The following NAA11 variants were observed in gnomAD, a reference collection of about 807,000 sequenced individuals.
NAA11 encodes N-alpha-acetyltransferase 11, NatA catalytic subunit.
In NAA11, 15 loss-of-function variants were observed where a neutral mutation model predicts 16.1. That is an observed-to-expected ratio of 0.93 (90% CI 0.62 to 1.44). NAA11 has a LOEUF of 1.44. Ranked by LOEUF, NAA11 falls within the 40% of genes most tolerant of loss-of-function variation. The probability of loss-of-function intolerance (pLI) is 0.00; values close to 1 mark genes in which losing one functional copy is unlikely to be tolerated. For missense variants in NAA11, 298 were observed against 291.3 expected, an observed-to-expected ratio of 1.02 and a Z score of -0.17; for synonymous variants, 122 against 112.4, an observed-to-expected ratio of 1.09 and a Z score of -0.54.
At chr4:79,238,591 G>A (rs751761612) in intron 2 of NAA11, among the ~76,000 whole-genome samples, 17 of 152,212 alleles carry the variant, frequency 1.1e-4, no homozygotes, top group Non-Finnish European at 2.2e-4. Flanking sequence ...AAGCATATAT[G>A]TTAATAATGC....
At chr4:79,269,877 G>T (rs897453275) in intron 2 of NAA11, among the ~76,000 whole-genome samples, 2 of 151,282 alleles carry the variant, frequency 1.3e-5, no homozygotes, top group Non-Finnish European at 1.5e-5. Flanking sequence ...ATTGATTTTT[G>T]TATAAGGTGT....
At chr4:79,223,250 G>A (rs1212035371), downstream of NAA11, among the ~76,000 whole-genome samples, 42 of 147,972 alleles carry the variant, frequency 2.8e-4, no homozygotes, top group African/African-American at 1.0e-3. Context: ...CAACCCAAAT[G>A]TCCAACAATG....
intron 2 of NAA11, among the ~76,000 whole-genome samples, chr4:79,231,607 G>T (rs1721468649): frequency 6.6e-6 from 1 of 151,838 alleles, no homozygotes; most frequent in African/African-American, 2.4e-5. Flanking sequence ...TCTAGTGGAG[G>T]AGTCAGGTGG....
chr4:79,274,154 C>T (rs533781093), intron 2 of NAA11, among the ~76,000 whole-genome samples: 19 of 152,140 alleles, frequency 1.2e-4, no homozygotes, highest in African/African-American at 4.6e-4. Context: ...AGCTGTTATT[C>T]TTGGTAATGG....
chr4:79,189,956 G>C, the NAA11 span, among the ~76,000 whole-genome samples: 1 of 152,126 alleles, frequency 6.6e-6, no homozygotes. Context: ...AGTGTGGAAG[G>C]CTTGCAGAGA....
Position 79,247,719 on chromosome 4 carries a change from A to C in NAA11, c.*123-21449T>G, listed in dbSNP as rs564457283. On this transcript the variant is annotated intron_variant and NMD_transcript_variant, in intron 2 of 2. Transcript: ENST00000511542. ...GGGGAGAAAGCTGGGAACCCTGCCCAGGACTACCATGCACTGAGACTCATT... is the reference window on the plus strand; with the variant it reads ...GGGGAGAAAGCTGGGAACCCTGCCCCGGACTACCATGCACTGAGACTCATT... Among the ~76,000 whole-genome samples, 16 of 152,254 alleles carry C rather than the reference A, an allele frequency of 1.1e-4. No homozygotes were observed. The South Asian group carries it at 2.5e-3, about 24-fold the overall frequency.
the NAA11 span, among the ~76,000 whole-genome samples, chr4:79,161,324 A>G: frequency 1.3e-5 from 2 of 152,016 alleles, no homozygotes; most frequent in Non-Finnish European, 1.5e-5. Flanking sequence ...TCAAAAGTCT[A>G]TTGATCTTAA....
chr4:79,178,413 A>G, the NAA11 span, among the ~76,000 whole-genome samples: 1 of 152,242 alleles, frequency 6.6e-6, no homozygotes, highest in African/African-American at 2.4e-5. Context: ...ATATTTTTAA[A>G]TGTTCAAATG....
chr4:79,195,452 T>C, the NAA11 span, among the ~76,000 whole-genome samples: 1 of 152,148 alleles, frequency 6.6e-6, no homozygotes, highest in Non-Finnish European at 1.5e-5. Flanking sequence ...GGTGAGCTGA[T>C]ACACAAATAT....
chr4:79,301,774 A>G (rs75543635), intron 1 of NAA11, among the ~76,000 whole-genome samples: 78 of 152,300 alleles, frequency 5.1e-4, no homozygotes, highest in African/African-American at 1.9e-3. Context: ...AATAGCTCAC[A>G]AAAAATACTT....
At chr4:79,300,239 T>A (rs888385869) in intron 1 of NAA11, among the ~76,000 whole-genome samples, 3 of 152,232 alleles carry the variant, frequency 2.0e-5, no homozygotes, top group Non-Finnish European at 2.9e-5. Context: ...GAAGAAAGAA[T>A]GGCAACAGAG....
chr4:79,264,267 A>G (rs1722297689), intron 2 of NAA11, among the ~76,000 whole-genome samples: 2 of 152,158 alleles, frequency 1.3e-5, no homozygotes, highest in Non-Finnish European at 2.9e-5. Context: ...TGTCTGTTGG[A>G]TCTTAAACTA....
chr4:79,184,705 G>C, the NAA11 span, among the ~76,000 whole-genome samples: 1 of 152,130 alleles, frequency 6.6e-6, no homozygotes, highest in Non-Finnish European at 1.5e-5. Context: ...AATGTACATA[G>C]TTTTACGCTA....
chr4:79,161,382 T>C, the NAA11 span, among the ~76,000 whole-genome samples: 2 of 152,216 alleles, frequency 1.3e-5, no homozygotes, highest in African/African-American at 4.8e-5. Flanking sequence ...ATTATCTGTA[T>C]GACTATCCTT....
intron 2 of NAA11, among the ~76,000 whole-genome samples, chr4:79,240,822 T>C (rs977567075): frequency 6.6e-6 from 1 of 152,170 alleles, no homozygotes; most frequent in Non-Finnish European, 1.5e-5. Flanking sequence ...AGATTCTCTG[T>C]GGTGTCTCCT....
chr4:79,211,722 T>C, the NAA11 span: 1 of 152,204 alleles, frequency 6.6e-6, no homozygotes, highest in Non-Finnish European at 1.5e-5. Context: ...TCTGTCCCAA[T>C]ATGCTTCCCT....
chr4:79,222,940 A>G (rs1210162266), downstream of NAA11, among the ~76,000 whole-genome samples: 1 of 148,724 alleles, frequency 6.7e-6, no homozygotes, highest in African/African-American at 2.5e-5. Context: ...CAAAACCACA[A>G]TGAGATACCA....
the NAA11 span, among the ~76,000 whole-genome samples, chr4:79,198,656 A>G: frequency 1.3e-5 from 2 of 151,896 alleles, no homozygotes; most frequent in Admixed American, 6.6e-5. Context: ...GAGAACAGCG[A>G]CATTTTCCAA....
At chr4:79,256,815 G>C (rs1429258222) in intron 2 of NAA11, among the ~76,000 whole-genome samples, 1 of 151,188 alleles carries the variant, frequency 6.6e-6, no homozygotes, top group Non-Finnish European at 1.5e-5. Context: ...ACCACACTCG[G>C]CTAATTTTTA....
Sources: allele counts gnomAD v4.1 joint callset (sites outside exome capture counted in the v4.1 genomes callset), GRCh38; gene constraint gnomAD v4.1.1; transcripts MANE v1.5; gene names NCBI Gene and HGNC (gene_info 2026-07-23, HGNC 2026-07-21).